The following TENM3 variants were observed in gnomAD, a reference collection of about 807,000 sequenced individuals.
TENM3 encodes teneurin-3.
Under a neutral mutation model 255.1 loss-of-function variants are expected in TENM3, and 63 were observed. The ratio of observed to expected loss-of-function variants is 0.25; its 90% CI spans 0.20 to 0.30. TENM3 has a LOEUF of 0.30. TENM3 is among the 10% of genes least tolerant of loss of function. The probability of loss-of-function intolerance (pLI) is 1.00; values close to 1 mark genes in which losing one functional copy is unlikely to be tolerated. For synonymous variants in TENM3, 1,306 were observed against 1,322.3 expected (o/e 0.99, Z 0.27); for missense variants, 2,929 against 3,461.1 (o/e 0.85, Z 3.86).
chr4:182,368,736 A>C (rs1189645166), intron 3 of TENM3, among the ~76,000 whole-genome samples: 1 of 152,168 alleles, frequency 6.6e-6, no homozygotes, highest in Non-Finnish European at 1.5e-5. Flanking sequence ...AAGGATAAGA[A>C]TATTGCCCAC....
intron 3 of TENM3, among the ~76,000 whole-genome samples, chr4:182,437,753 G>T (rs778683095): frequency 1.3e-5 from 2 of 150,932 alleles, no homozygotes. Flanking sequence ...AGGTGAGATC[G>T]CACCACCGCA....
the TENM3 span, among the ~76,000 whole-genome samples, chr4:181,636,525 G>T: frequency 6.6e-6 from 1 of 152,182 alleles, no homozygotes; most frequent in African/African-American, 2.4e-5. Context: ...GCTGATCTTT[G>T]ACACACAAAG....
chr4:182,281,511 T>TTGGTGG (rs1343699330), intron 1 of TENM3, among the ~76,000 whole-genome samples: 1 of 152,006 alleles, frequency 6.6e-6, no homozygotes, highest in East Asian at 1.9e-4. Flanking sequence ...TTTTTTGTTG[T>TTGGTGG]TGGTGGTGGT....
At chr4:182,473,822 G>A (rs1010952658) in intron 3 of TENM3, among the ~76,000 whole-genome samples, 1 of 152,028 alleles carries the variant, frequency 6.6e-6, no homozygotes, top group Non-Finnish European at 1.5e-5. Flanking sequence ...AGCAAGGTAT[G>A]TTGGCACCAC....
chr4:182,494,022 T>G (rs942209566), intron 3 of TENM3, among the ~76,000 whole-genome samples: 2 of 152,196 alleles, frequency 1.3e-5, no homozygotes, highest in Non-Finnish European at 2.9e-5. Context: ...CCCCTCTTAC[T>G]GCTACTGTTT....
At chr4:182,213,857 A>T (rs746854639) in intron 1 of TENM3, among the ~76,000 whole-genome samples, 8 of 152,064 alleles carry the variant, frequency 5.3e-5, no homozygotes, top group African/African-American at 7.3e-5. Context: ...GCTGGAGTGC[A>T]GTGGCGCGAT....
the TENM3 span, among the ~76,000 whole-genome samples, chr4:181,474,860 T>C: frequency 2.6e-5 from 4 of 152,254 alleles, no homozygotes; most frequent in South Asian, 8.3e-4. Flanking sequence ...ATTGTTCTCA[T>C]TGAAATGGAG....
At chr4:182,470,406 A>C (rs1733006863) in intron 3 of TENM3, among the ~76,000 whole-genome samples, 1 of 152,218 alleles carries the variant, frequency 6.6e-6, no homozygotes, top group African/African-American at 2.4e-5. Flanking sequence ...CCATCCCGAA[A>C]TTCTTGTTCT....
At chr4:181,572,371 TAAG>T in the TENM3 span, among the ~76,000 whole-genome samples, 8 of 152,144 alleles carry the variant, frequency 5.3e-5, no homozygotes, top group Middle Eastern at 0.01. Flanking sequence ...ATATGAAAAA[TAAG>T]AAGATATATA....
chr4:181,743,173 G>C, the TENM3 span, among the ~76,000 whole-genome samples: 4 of 152,030 alleles, frequency 2.6e-5, no homozygotes, highest in Admixed American at 1.3e-4. Flanking sequence ...ATGATTTATA[G>C]TCCTTTGGGT....
At chr4:181,538,919 A>T in the TENM3 span, among the ~76,000 whole-genome samples, 177 of 152,334 alleles carry the variant, frequency 1.2e-3, 1 homozygote, top group African/African-American at 4.1e-3. Context: ...AATTATGAAG[A>T]TTACACCAAA....
Position 182,789,396 on chromosome 4 carries a change from C to G in TENM3, c.5601+7C>G. ...TTACACATATTTAGAAAAGGTATGCCTGCAAACTAAGCTCAACAATAGGGA... is the reference window on the plus strand; with the variant it reads ...TTACACATATTTAGAAAAGGTATGCGTGCAAACTAAGCTCAACAATAGGGA... On this transcript the variant is annotated splice_region_variant and intron_variant, in intron 25 of 27. Transcript: ENST00000511685. This position sits in a 1 kb window ranked among gnomAD's most constrained non-coding sequence, Gnocchi z 4.4. 1 of 1,605,490 alleles carries G rather than the reference C, an allele frequency of 6.2e-7. No homozygotes were observed. Among genetic ancestry groups the G allele is most frequent in the Non-Finnish European group, 8.5e-7 (1 of 1,173,710 alleles).
chr4:182,762,483 C>T (rs1017019382), intron 22 of TENM3, among the ~76,000 whole-genome samples: 4 of 152,176 alleles, frequency 2.6e-5, no homozygotes, highest in Non-Finnish European at 5.9e-5. Flanking sequence ...ACGATCAGTG[C>T]AAGAGAACTT....
At chr4:182,524,767 T>C (rs1738970603) in intron 3 of TENM3, among the ~76,000 whole-genome samples, 1 of 147,298 alleles carries the variant, frequency 6.8e-6, no homozygotes, top group African/African-American at 2.5e-5. Context: ...CCTGTAATCC[T>C]AAACTTTGGG....
chr4:182,397,797 A>G (rs1768948520), intron 3 of TENM3, among the ~76,000 whole-genome samples: 1 of 152,114 alleles, frequency 6.6e-6, no homozygotes. Context: ...GCTCTGGGCT[A>G]TGACTTGCGA....
At chr4:181,926,413 G>T in the TENM3 span, among the ~76,000 whole-genome samples, 1 of 152,136 alleles carries the variant, frequency 6.6e-6, no homozygotes, top group Non-Finnish European at 1.5e-5. Context: ...GTGTGGTAGG[G>T]TGGGGATATG....
At chr4:182,231,427 A>G (rs1216565406) in intron 1 of TENM3, among the ~76,000 whole-genome samples, 1 of 152,154 alleles carries the variant, frequency 6.6e-6, no homozygotes, top group African/African-American at 2.4e-5. Context: ...ATGCATAATT[A>G]TGTCTGTTAT....
At chr4:182,197,580 C>A (rs1753906394) in intron 1 of TENM3, among the ~76,000 whole-genome samples, 1 of 151,898 alleles carries the variant, frequency 6.6e-6, no homozygotes, top group Non-Finnish European at 1.5e-5. Flanking sequence ...TGCAGCTCAA[C>A]AATACAAAAA....
chr4:181,776,831 C>T, the TENM3 span, among the ~76,000 whole-genome samples: 1 of 151,962 alleles, frequency 6.6e-6, no homozygotes, highest in Non-Finnish European at 1.5e-5. Context: ...ATATATTAAT[C>T]CCTTTTTGGA....
Sources: gnomAD v4.1 joint callset for allele counts (sites outside exome capture counted in the v4.1 genomes callset) on GRCh38, gnomAD v4.1.1 for gene constraint, Gnocchi (gnomAD v3.1) non-coding constraint, MANE v1.5 for transcripts, NCBI Gene and HGNC (gene_info 2026-07-23, HGNC 2026-07-21) for gene names.